Variants in PRKAR2A observed in about 807,000 individuals in gnomAD.
PRKAR2A encodes the protein protein kinase cAMP-dependent type II regulatory subunit alpha, also known as cAMP-dependent protein kinase type II-alpha regulatory subunit.
PRKAR2A carries 29 observed loss-of-function variants against 51.9 expected under a neutral mutation model. The ratio of observed to expected loss-of-function variants is 0.56; its 90% CI spans 0.42 to 0.76. The LOEUF (loss-of-function observed/expected upper bound fraction) is 0.76. Ranked by LOEUF, PRKAR2A falls within the 30% of genes least tolerant of loss-of-function variation. PRKAR2A has a pLI of 0.00. For missense variants in PRKAR2A, 445 were observed against 512.1 expected (o/e 0.87, Z 1.26); for synonymous variants, 178 against 186.2 (o/e 0.96, Z 0.36).
intron 2 of PRKAR2A, among the ~76,000 whole-genome samples, chr3:48,800,506 C>T (rs1037358543): frequency 4.7e-5 from 7 of 148,250 alleles, no homozygotes; most frequent in African/African-American, 1.0e-4. Flanking sequence ...AGCGAGACTC[C>T]GTCTCAAAAA....
intron 6 of PRKAR2A, among the ~76,000 whole-genome samples, chr3:48,769,751 C>T (rs2082001197): frequency 6.6e-6 from 1 of 151,850 alleles, no homozygotes; most frequent in Non-Finnish European, 1.5e-5. Flanking sequence ...GCTGGGATTA[C>T]AGGCACGAGC....
At chr3:48,772,521 T>C (rs2082043505) in intron 6 of PRKAR2A, among the ~76,000 whole-genome samples, 1 of 152,170 alleles carries the variant, frequency 6.6e-6, no homozygotes, top group Non-Finnish European at 1.5e-5. Flanking sequence ...TTATTTATTA[T>C]TCCCCTATAC....
intron 1 of PRKAR2A, among the ~76,000 whole-genome samples, chr3:48,826,828 A>G (rs1310644396): frequency 6.6e-6 from 1 of 151,986 alleles, no homozygotes; most frequent in East Asian, 1.9e-4. Context: ...TTTATTATAC[A>G]CCAAAAAACA....
In PRKAR2A at chr3:48,747,995, C is replaced by G. The variant is rs2081585894; in HGVS notation, c.*3590G>C. 1 of 152,214 alleles carries G rather than the reference C, an allele frequency of 6.6e-6. No homozygotes were observed. Among genetic ancestry groups the G allele is most frequent in the Non-Finnish European group, 1.5e-5 (1 of 68,064 alleles). 9.4% of individuals were successfully genotyped at this position (152,214 alleles called of 1,614,324 possible). On this transcript the variant is annotated 3_prime_UTR_variant, in exon 11 of 11. Coordinates refer to ENST00000265563, the MANE Select transcript of PRKAR2A (RefSeq NM_004157.4). The stretch of plus-strand genomic sequence containing the variant: ...CCTGGCACCGTGGTAATGGCTATAT[C>G]CTATTTCACTCACACACGTCCTTTT...
intron 5 of PRKAR2A, among the ~76,000 whole-genome samples, chr3:48,780,736 G>A (rs931300521): frequency 2.0e-5 from 3 of 151,694 alleles, no homozygotes; most frequent in African/African-American, 7.3e-5. Context: ...CAAGAAGAAA[G>A]GCAACCAATG....
chr3:48,763,838 T>C (rs549796553), intron 8 of PRKAR2A, among the ~76,000 whole-genome samples: 3 of 152,334 alleles, frequency 2.0e-5, no homozygotes, highest in South Asian at 2.1e-4. Context: ...AATAAATGTT[T>C]ATAGAATATT....
intron 1 of PRKAR2A, among the ~76,000 whole-genome samples, chr3:48,817,022 A>AAAT (rs1177162767): frequency 3.3e-5 from 5 of 151,922 alleles, no homozygotes; most frequent in Non-Finnish European, 5.9e-5. Context: ...TCTCTTTAAA[A>AAAT]AATAATAATA....
chr3:48,767,534 A>G (rs143826459), intron 6 of PRKAR2A, among the ~76,000 whole-genome samples: 1 of 152,142 alleles, frequency 6.6e-6, no homozygotes, highest in Non-Finnish European at 1.5e-5. Context: ...TCATGCCTGT[A>G]ATCCCTGCAC....
chr3:48,747,801 A>C lies in PRKAR2A; in HGVS notation c.*3784T>G, dbSNP rs2081582263. 1 of 152,236 alleles carries C rather than the reference A, an allele frequency of 6.6e-6. No homozygotes were observed. Among genetic ancestry groups the C allele is most frequent in the Non-Finnish European group, 1.5e-5 (1 of 68,080 alleles). The allele number at this position is 152,236 out of a possible 1,614,324, so 9.4% of individuals were successfully genotyped here. ...TAATTCATTGAAGAGAACACCACAA[A>C]ACAGTTAACAAAGGGATCTCTTTCC... On this transcript the variant is annotated 3_prime_UTR_variant, in exon 11 of 11. Transcript: ENST00000265563.
chr3:48,816,456 T>C (rs1303561181), intron 1 of PRKAR2A, among the ~76,000 whole-genome samples: 3 of 151,374 alleles, frequency 2.0e-5, no homozygotes, highest in Admixed American at 1.3e-4. Context: ...CTGGCCAACA[T>C]GGTGAAACCC....
At position 48,751,732 on chromosome 3, in the gene PRKAR2A, A is replaced by C. The variant is rs2081651228; in HGVS notation, c.1082-14T>G. 1 of 1,603,584 alleles carries C rather than the reference A, an allele frequency of 6.2e-7. No homozygotes were observed. The highest frequency in any genetic ancestry group is 8.5e-7 in the Non-Finnish European group (1 of 1,171,924). On this transcript the variant is annotated splice_polypyrimidine_tract_variant and intron_variant, in intron 10 of 10. Coordinates refer to ENST00000265563, the MANE Select transcript of PRKAR2A (RefSeq NM_004157.4). ...GTACATCCATAACTGCATTGTTAAA[A>C]AGAGGTGAGGGAGAGAATGAATTCA...
At chr3:48,789,490 A>ATTTTTT (rs1210177675) in intron 4 of PRKAR2A, among the ~76,000 whole-genome samples, 1 of 130,878 alleles carries the variant, frequency 7.6e-6, no homozygotes, top group African/African-American at 2.8e-5. Context: ...TTCTTATTCT[A>ATTTTTT]TTTTTTTTTT....
chr3:48,795,177 CGTGTTA>C (rs2082470655), intron 2 of PRKAR2A, among the ~76,000 whole-genome samples: 1 of 152,004 alleles, frequency 6.6e-6, no homozygotes, highest in African/African-American at 2.4e-5. Context: ...AGGGTTTCAC[CGTGTTA>C]GCCAGGATGG....
At chr3:48,781,593 G>A (rs1188424849) in intron 5 of PRKAR2A, among the ~76,000 whole-genome samples, 2 of 151,808 alleles carry the variant, frequency 1.3e-5, no homozygotes, top group South Asian at 2.1e-4. Flanking sequence ...GCTTGCTGCA[G>A]CCTCTGCCTC....
chr3:48,814,976 A>G (rs1453695928), intron 1 of PRKAR2A, among the ~76,000 whole-genome samples: 2 of 152,096 alleles, frequency 1.3e-5, no homozygotes, highest in African/African-American at 2.4e-5. Flanking sequence ...CAATGGTGCA[A>G]TCTCGGCTCA....
rs531193620 is a variant in PRKAR2A, at chr3:48,765,459, A to AT, written c.697-111dup. 3.9e-4 allele frequency: 292 copies of AT among 747,964 alleles called. No individual in the cohort carries two copies. In the African/African-American group the frequency reaches 3.9e-3, roughly 10 times the overall value. The allele number at this position is 747,964 out of a possible 1,614,324, so 46.3% of individuals were successfully genotyped here. A position where few individuals can be genotyped will look rare whatever the true frequency, so the allele number is the denominator to read the frequency against. On this transcript the variant is annotated intron_variant, in intron 6 of 10. Coordinates refer to ENST00000265563, the MANE Select transcript of PRKAR2A (RefSeq NM_004157.4). Reference sequence around the variant, plus strand: ...GAGGAATATGTAAGTTACTGTGTTAATTAAGTGTTTAATGATACTTCAATC... The same window carrying AT: ...GAGGAATATGTAAGTTACTGTGTTAATTTAAGTGTTTAATGATACTTCAATC...
intron 1 of PRKAR2A, among the ~76,000 whole-genome samples, chr3:48,836,432 A>C (rs1202227109): frequency 7.2e-6 from 1 of 138,998 alleles, no homozygotes; most frequent in East Asian, 2.1e-4. Flanking sequence ...AAAAAAAAAA[A>C]AAAAAAAAAA....
intron 2 of PRKAR2A, among the ~76,000 whole-genome samples, chr3:48,804,804 A>G (rs1406521692): frequency 6.6e-6 from 1 of 152,216 alleles, no homozygotes; most frequent in Non-Finnish European, 1.5e-5. Flanking sequence ...AAGGCCAGAC[A>G]TTGGAAGAAT....
At chr3:48,793,134 AT>A (rs1237677541) in intron 3 of PRKAR2A, among the ~76,000 whole-genome samples, 1 of 151,932 alleles carries the variant, frequency 6.6e-6, no homozygotes, top group Non-Finnish European at 1.5e-5. Context: ...AAATTTTTTA[AT>A]TTACGAAATG....
Sources: gnomAD v4.1 joint callset for allele counts (sites outside exome capture counted in the v4.1 genomes callset) on GRCh38, gnomAD v4.1.1 for gene constraint, MANE v1.5 for transcripts, NCBI Gene and HGNC (gene_info 2026-07-23, HGNC 2026-07-21) for gene names.